Variants in DMXL2 observed in about 807,000 individuals in gnomAD.
DMXL2 encodes dmX-like protein 2.
In DMXL2, 103 loss-of-function variants were observed where a neutral mutation model predicts 331.1. That is an observed-to-expected ratio of 0.31 (90% CI 0.27 to 0.37). The LOEUF (loss-of-function observed/expected upper bound fraction) is 0.37, where lower values mean the gene tolerates loss of function less well. DMXL2 is among the 10% of genes least tolerant of loss of function. The pLI is 1.00. For missense variants in DMXL2, 3,171 were observed against 3,642.9 expected (o/e 0.87, Z 3.33); for synonymous variants, 1,281 against 1,252.1 (o/e 1.02, Z -0.49).
At chr15:51,556,125 C>T (rs1336447702) in intron 6 of DMXL2, among the ~76,000 whole-genome samples, 3 of 150,594 alleles carry the variant, frequency 2.0e-5, no homozygotes, top group Non-Finnish European at 3.0e-5. Context: ...AGGTGGATCA[C>T]GAGGTCAGGA....
At chr15:51,566,232 G>GGTGTGTGTGT (rs71127197) in intron 3 of DMXL2, among the ~76,000 whole-genome samples, 9 of 144,842 alleles carry the variant, frequency 6.2e-5, no homozygotes, top group South Asian at 2.3e-4. Flanking sequence ...GTGTGTGTGG[G>GGTGTGTGTGT]GTGTGTGTGT....
intron 13 of DMXL2, among the ~76,000 whole-genome samples, chr15:51,531,614 A>G (rs190832733): frequency 2.7e-4 from 41 of 152,324 alleles, no homozygotes; most frequent in Non-Finnish European, 5.7e-4. Flanking sequence ...ATATCTTCAA[A>G]CTACTCATCT....
intron 7 of DMXL2, 23 bp downstream of exon 7, chr15:51,547,201 ACTAAAG>A: frequency 6.5e-7 from 1 of 1,547,714 alleles, no homozygotes; most frequent in Non-Finnish European, 8.7e-7. Context: ...AAGGATGCAA[ACTAAAG>A]CTACATGATT....
At position 51,487,981 on chromosome 15, in the gene DMXL2, T is replaced by C; in HGVS notation, c.5190A>G (p.Leu1730=). Residue 1730 remains leucine, a synonymous_variant, in exon 22 of 44, where the codon CTA becomes CTG. Transcript: ENST00000560891. ...CTATGGCATCTTTCAATGAACCAGC[T>C]AGCAAGAAAAAAGCAGCCGATTGTT... ...RFEQSAAFFL[L]AGSLKDAIEV... is the part of the protein sequence containing the mutation. 2.5e-6 allele frequency: 4 copies of C among 1,611,608 alleles called. No individual in the cohort carries two copies. The highest frequency in any genetic ancestry group is 3.4e-6 in the Non-Finnish European group (4 of 1,179,198).
intron 22 of DMXL2, 63 bp from the exon 23 acceptor site, chr15:51,486,400 C>T: frequency 1.7e-6 from 2 of 1,198,066 alleles, no homozygotes; most frequent in Non-Finnish European, 2.4e-6. Context: ...GATGAAATAT[C>T]CCATCAATAC....
intron 25 of DMXL2, among the ~76,000 whole-genome samples, chr15:51,479,473 C>A (rs908136197): frequency 2.0e-5 from 3 of 152,128 alleles, no homozygotes; most frequent in Non-Finnish European, 4.4e-5. Flanking sequence ...GTAGTAACTG[C>A]CAAAACTCTG....
At position 51,574,707 on chromosome 15, in the gene DMXL2, G is replaced by A. The variant is rs567322511; in HGVS notation, c.213+1349C>T. On this transcript the variant is annotated intron_variant, in intron 2 of 43. Transcript: ENST00000560891. ...AGGACTAAACGAAGATGTCAATAAA[G>A]ACAATAAAGATATTATAATTTTGCC... Among the ~76,000 whole-genome samples, 3 of 152,254 alleles carry A rather than the reference G, an allele frequency of 2.0e-5. No homozygotes were observed. The South Asian group carries it at 6.2e-4, about 32-fold the overall frequency.
rs181368380 is a variant in DMXL2, at chr15:51,463,751, G to A, written c.7809-255C>T. On this transcript the variant is annotated intron_variant, in intron 32 of 43. Coordinates refer to ENST00000560891, the MANE Select transcript of DMXL2 (RefSeq NM_001378457.1). Reference sequence around the variant, plus strand: ...TTACACTGAATGAACCAGTTAAGCTGAGAGTCAAATGAATCTCTTATTATT... The same window carrying A: ...TTACACTGAATGAACCAGTTAAGCTAAGAGTCAAATGAATCTCTTATTATT... Among the ~76,000 whole-genome samples the A allele has an allele frequency of 4.6e-4, 70 of 152,292 alleles. No individual in the cohort carries two copies. In the East Asian group the frequency reaches 0.013, roughly 28 times the overall value.
intron 13 of DMXL2, among the ~76,000 whole-genome samples, chr15:51,520,306 A>G (rs1312385243): frequency 2.6e-5 from 4 of 152,252 alleles, no homozygotes; most frequent in Non-Finnish European, 5.9e-5. Flanking sequence ...GCTTCTAACT[A>G]TAAGAAAAGC....
In DMXL2 at chr15:51,480,699, G is replaced by A. The variant is rs780057211; in HGVS notation, c.6407C>T (p.Ala2136Val). 3.7e-6 allele frequency: 6 copies of A among 1,611,230 alleles called. No homozygotes were observed. Among genetic ancestry groups the A allele is most frequent in the South Asian group, 2.2e-5 (2 of 90,876 alleles). Reference sequence around the variant, plus strand: ...TCGTCTTTCTGCATGCTCTCGTTTGGCCTGCAATCTTCTTCTTTCTATTTG... The same window carrying A: ...TCGTCTTTCTGCATGCTCTCGTTTGACCTGCAATCTTCTTCTTTCTATTTG... ...RHQIERRRLQ[A>V]KREHAERRKS... is the part of the protein sequence containing the mutation. Residue 2136 changes from alanine to valine, a missense_variant, in exon 24 of 44, where the codon GCC (alanine) becomes GTC (valine). Transcript: ENST00000560891.
intron 33 of DMXL2, among the ~76,000 whole-genome samples, chr15:51,461,270 G>T (rs1225904709): frequency 6.6e-6 from 1 of 152,074 alleles, no homozygotes; most frequent in Non-Finnish European, 1.5e-5. Flanking sequence ...ATAATGGAAG[G>T]GAGACTAAGG....
At chr15:51,551,285 G>A (rs1482994653) in intron 6 of DMXL2, among the ~76,000 whole-genome samples, 1 of 152,046 alleles carries the variant, frequency 6.6e-6, no homozygotes, top group African/African-American at 2.4e-5. Flanking sequence ...CTTTCCATAA[G>A]AATTATGAAA....
At chr15:51,542,255 G>A in intron 9 of DMXL2, 78 bp downstream of exon 9, 1 of 1,355,588 alleles carries the variant, frequency 7.4e-7, no homozygotes, top group Non-Finnish European at 1.0e-6. Flanking sequence ...TAAAAAACAG[G>A]TTATGAAAGT....
At chr15:51,454,036 T>G (rs2141197792) in intron 40 of DMXL2, 1 of 175,082 alleles carries the variant, frequency 5.7e-6, no homozygotes, top group Admixed American at 6.4e-5. Context: ...GTCAAGGTAT[T>G]TTAAAATATA....
In DMXL2 at chr15:51,481,287, G is replaced by A. The variant is rs150903932; in HGVS notation, c.5819C>T (p.Ala1940Val). 5.0e-6 allele frequency: 8 copies of A among 1,613,972 alleles called. No homozygotes were observed. Among genetic ancestry groups the A allele is most frequent in the Non-Finnish European group, 5.1e-6 (6 of 1,179,992 alleles). Residue 1940 changes from alanine to valine, a missense_variant, in exon 24 of 44, where the codon GCT becomes GTT. Ala to Val is a moderately conservative substitution (Grantham distance 64). Around this residue, in one of 7 missense-constraint regions of DMXL2, gnomAD observed 244 missense variants for 251.4 expected, o/e 0.97. Transcript: ENST00000560891. ...RMDDVPSHSKALSDGNGSSGI... is the reference protein window; with the variant it reads ...RMDDVPSHSKVLSDGNGSSGI... Reference sequence around the variant, plus strand: ...AGAACTTCCATTGCCATCACTCAGAGCTTTTGAATGTGAAGGTACATCATC... The same window carrying A: ...AGAACTTCCATTGCCATCACTCAGAACTTTTGAATGTGAAGGTACATCATC...
At position 51,481,099 on chromosome 15, in the gene DMXL2, C is replaced by T. The variant is rs767526573; in HGVS notation, c.6007G>A (p.Ala2003Thr). The T allele has an allele frequency of 9.9e-6, 16 of 1,613,094 alleles. No homozygotes were observed. The highest frequency in any genetic ancestry group is 4.0e-5 in the African/African-American group (3 of 74,920). The change falls in exon 24 of 44, where the codon GCC (alanine) becomes ACC (threonine). Residue 2003 changes from alanine to threonine, a missense_variant. Ala to Thr is a moderately conservative substitution (Grantham distance 58, BLOSUM62 0). This residue lies in a region of DMXL2 where 244 missense variants were observed against 251.4 expected (regional missense o/e 0.97). Transcript: ENST00000560891. ...AVGLVMKSTDAREKDKQSDQK... is the reference protein window; with the variant it reads ...AVGLVMKSTDTREKDKQSDQK... The stretch of plus-strand genomic sequence containing the variant: ...TCTGATTGTTTATCTTTTTCCCTGG[C>T]ATCTGTACTTTTCATCACTAAACCA...
intron 5 of DMXL2, 30 bp from the exon 6 acceptor site, chr15:51,563,477 C>T: frequency 6.6e-7 from 1 of 1,512,552 alleles, no homozygotes; most frequent in Non-Finnish European, 9.1e-7. Context: ...GCAATTAGCC[C>T]TTTTAAAATC....
chr15:51,591,428 G>A (rs184606418), intron 1 of DMXL2, among the ~76,000 whole-genome samples: 15 of 152,304 alleles, frequency 9.8e-5, no homozygotes, highest in South Asian at 2.1e-4. Flanking sequence ...TAAACAAAGC[G>A]GTGGGAAGCT....
Position 51,622,600 on chromosome 15 carries a change from G to A in DMXL2, c.-55C>T. ...GGGAGGTGCGACAAGCTCCGCGCCT[G>A]ACCCTCCTCGGGCTGCGAGAGCCGT... On this transcript the variant is annotated 5_prime_UTR_variant, in exon 1 of 44. Transcript: ENST00000560891. The A allele has an allele frequency of 6.6e-7, 1 of 1,515,428 alleles. No individual in the cohort carries two copies. 93.9% of individuals were successfully genotyped at this position (1,515,428 alleles called of 1,614,324 possible).
Sources: gnomAD v4.1 joint callset for allele counts (sites outside exome capture counted in the v4.1 genomes callset) on GRCh38, gnomAD v4.1.1 for gene constraint, gnomAD v4.1.1 regional missense constraint, MANE v1.5 for transcripts, NCBI Gene and HGNC (gene_info 2026-07-23, HGNC 2026-07-21) for gene names.